Variants in MED1 observed in about 807,000 individuals in gnomAD.
MED1 encodes mediator of RNA polymerase II transcription subunit 1.
MED1 carries 17 observed loss-of-function variants against 121.3 expected under a neutral mutation model. The observed-to-expected ratio is 0.14, with a 90% CI of 0.10 to 0.21. The LOEUF is 0.21. Among genes scored for constraint, MED1 ranks in the 10% least tolerant of loss-of-function variants. The pLI is 1.00. For missense variants in MED1, 1,558 were observed against 1,919.4 expected (o/e 0.81, Z 3.52); for synonymous variants, 661 against 694.4 (o/e 0.95, Z 0.76).
intron 10 of MED1, among the ~76,000 whole-genome samples, chr17:39,426,869 A>C (rs1454341855): frequency 6.6e-6 from 1 of 151,756 alleles, no homozygotes; most frequent in African/African-American, 2.4e-5. Context: ...TATCAAGGGC[A>C]AACAGAAAAT....
rs1168507091 is a variant in MED1, at chr17:39,409,509, A to G, written c.2712T>C (p.Asn904=). ...DFKGFASQAL[N]TLGVPMLGGD... ...CTCCAAGCATTGGCACCCCCAAAGT[A>G]TTTAGTGCCTGAGATGCAAATCCTT... Residue 904 remains asparagine (N), a synonymous_variant, in exon 17 of 17, where the codon AAT becomes AAC. Coordinates refer to ENST00000300651, the MANE Select transcript of MED1 (RefSeq NM_004774.4). 5 of 1,614,138 alleles carry G rather than the reference A, an allele frequency of 3.1e-6. No homozygotes were observed. Among genetic ancestry groups the G allele is most frequent in the Non-Finnish European group, 4.2e-6 (5 of 1,180,024 alleles).
intron 8 of MED1, 112 bp downstream of exon 8, chr17:39,431,829 AG>A (rs2048567493): frequency 1.2e-5 from 8 of 654,274 alleles, no homozygotes; most frequent in Non-Finnish European, 2.1e-5. Flanking sequence ...TCATTTTGGA[AG>A]AGAAAGGACA....
intron 9 of MED1, among the ~76,000 whole-genome samples, 182 bp from the exon 10 acceptor site, chr17:39,427,972 T>A (rs2048530489): frequency 6.6e-6 from 1 of 152,096 alleles, no homozygotes; most frequent in Non-Finnish European, 1.5e-5. Context: ...ATCCTGGCTC[T>A]CTGGGAGGCT....
chr17:39,450,964 C>G (rs1237154503), intron 1 of MED1, 74 bp downstream of exon 1: 1 of 1,438,616 alleles, frequency 7.0e-7, no homozygotes. Flanking sequence ...CATGGGACAT[C>G]TGCAAGAACC....
Position 39,451,125 on chromosome 17 carries a change from A to G in MED1, c.-63T>C. ...ATAAGCCCTTCCCCACCACTAACGG[A>G]GGAAACAAGTTGGCTCGGGATCCCG... On this transcript the variant is annotated 5_prime_UTR_variant, in exon 1 of 17. Transcript: ENST00000300651. 1 of 1,590,806 alleles carries G rather than the reference A, an allele frequency of 6.3e-7. No homozygotes were observed. The highest frequency in any genetic ancestry group is 2.3e-5 in the East Asian group (1 of 43,092).
intron 10 of MED1, among the ~76,000 whole-genome samples, chr17:39,425,574 C>G (rs1319804906): frequency 6.6e-6 from 1 of 152,036 alleles, no homozygotes; most frequent in African/African-American, 2.4e-5. Flanking sequence ...GAGGCTGAGG[C>G]GGGTGGATCA....
intron 12 of MED1, 37 bp from the exon 13 acceptor site, chr17:39,423,482 G>C (rs2048486567): frequency 6.5e-7 from 1 of 1,538,518 alleles, no homozygotes; most frequent in Non-Finnish European, 9.0e-7. Flanking sequence ...ATCATGTTAA[G>C]ATGAAAACAC....
At position 39,404,478 on chromosome 17, in the gene MED1, C is replaced by G. The variant is rs936411472; in HGVS notation, c.*2997G>C. On this transcript the variant is annotated 3_prime_UTR_variant, in exon 17 of 17. Transcript: ENST00000300651. The stretch of plus-strand genomic sequence containing the variant: ...TAAAAAAAGACCCTCCCCAGCTGCT[C>G]CTGATGTACATTTTTAAACTCAAAA... The G allele has an allele frequency of 2.0e-5, 3 of 152,212 alleles. No individual in the cohort carries two copies. Among genetic ancestry groups the G allele is most frequent in the African/African-American group, 7.2e-5 (3 of 41,390 alleles). The allele number at this position is 152,212 out of a possible 1,614,324, so 9.4% of individuals were successfully genotyped here.
At chr17:39,425,568 C>G (rs1386432375) in intron 10 of MED1, among the ~76,000 whole-genome samples, 1 of 152,108 alleles carries the variant, frequency 6.6e-6, no homozygotes, top group Non-Finnish European at 1.5e-5. Context: ...CTTTGGGAGG[C>G]TGAGGCGGGT....
chr17:39,430,981 T>C (rs1183123223), intron 9 of MED1, 134 bp downstream of exon 9: 6 of 745,260 alleles, frequency 8.1e-6, no homozygotes, highest in Non-Finnish European at 1.3e-5. Flanking sequence ...ATCATGCCAC[T>C]GCACTCCAGC....
chr17:39,414,685 CA>C (rs2048390771), intron 16 of MED1, among the ~76,000 whole-genome samples: 1 of 67,038 alleles, frequency 1.5e-5, no homozygotes, highest in Non-Finnish European at 2.8e-5. Context: ...ACAACAAAAA[CA>C]AAAACACGGA....
At chr17:39,422,299 G>T (rs575864034) in intron 13 of MED1, among the ~76,000 whole-genome samples, 1 of 150,348 alleles carries the variant, frequency 6.7e-6, no homozygotes, top group Non-Finnish European at 1.5e-5. Flanking sequence ...GAGTAGCTGG[G>T]ACTACAGGTG....
At chr17:39,448,572 T>G (rs9897454) in intron 1 of MED1, among the ~76,000 whole-genome samples, 1 of 148,690 alleles carries the variant, frequency 6.7e-6, no homozygotes, top group African/African-American at 2.5e-5. Flanking sequence ...AAAAAGTTAT[T>G]GAACTGGGCT....
rs374816690 is a variant in MED1, at chr17:39,431,081, CAT to C, written c.649+32_649+33del. 5.2e-4 allele frequency: 797 copies of C among 1,532,940 alleles called. 1 individual carries two copies. Among genetic ancestry groups the C allele is most frequent in the Admixed American group, 1.3e-3 (72 of 57,572 alleles). The allele number at this position is 1,532,940 out of a possible 1,614,324, so 95.0% of individuals were successfully genotyped here. On this transcript the variant is annotated intron_variant, in intron 9 of 16. Transcript: ENST00000300651. ...GTAATGACCCTCAACTTAAATTACA[CAT>C]GTTTCTAAACAAGCAAAATAGGATC...
In MED1 at chr17:39,424,631, T is replaced by C; in HGVS notation, c.847A>G (p.Lys283Glu). ...LIMGSHPVDN[K>E]WTPSFSSITS... ...CTAAAATTATATTTAACTTACCATT[T>C]ATTGTCAACTGGATGTGACCCCATA... Residue 283 changes from lysine (K) to glutamate (E), a missense_variant, in exon 11 of 17, where the codon AAA becomes GAA. Around this residue, in one of 5 missense-constraint regions of MED1, gnomAD observed 443 missense variants for 532.4 expected, o/e 0.83. Transcript: ENST00000300651. The C allele has an allele frequency of 6.4e-7, 1 of 1,570,740 alleles. No individual in the cohort carries two copies. The highest frequency in any genetic ancestry group is 1.2e-5 in the South Asian group (1 of 86,756).
chr17:39,414,234 A>C lies in MED1; in HGVS notation c.1499+792T>G, dbSNP rs923564392. ...GCAAGACTCCATCTCAAAAAAAAAA[A>C]ACAAAGCTTAGATTACTTTGAATCC... On this transcript the variant is annotated intron_variant, in intron 16 of 16. Coordinates refer to ENST00000300651, the MANE Select transcript of MED1 (RefSeq NM_004774.4). 1.1e-4 allele frequency among the ~76,000 whole-genome samples: 16 copies of C among 152,094 alleles called. No homozygotes were observed. In the East Asian group the frequency reaches 2.7e-3, roughly 26 times the overall value.
intron 16 of MED1, among the ~76,000 whole-genome samples, chr17:39,414,029 C>A (rs2048382188): frequency 1.3e-5 from 2 of 150,914 alleles, no homozygotes; most frequent in African/African-American, 4.9e-5. Flanking sequence ...GAGTTCGAGA[C>A]CAGCCTGGCC....
At chr17:39,432,204 G>A (rs112806588) in intron 7 of MED1, among the ~76,000 whole-genome samples, 188 bp from the exon 8 acceptor site, 183 of 151,754 alleles carry the variant, frequency 1.2e-3, no homozygotes, top group African/African-American at 4.1e-3. Flanking sequence ...TTAGCCGAGC[G>A]TGGTGGCAGG....
chr17:39,408,244 T>C lies in MED1; in HGVS notation c.3977A>G (p.Asp1326Gly). 1 of 1,614,116 alleles carries C rather than the reference T, an allele frequency of 6.2e-7. No homozygotes were observed. The highest frequency in any genetic ancestry group is 8.5e-7 in the Non-Finnish European group (1 of 1,180,032). ...TSGPGGEDPL[D>G]GQMGVSTNSS... ...ATTTGTGCTCACCCCCATCTGGCCG[T>C]CCAGTGGGTCTTCACCCCCAGGGCC... The change falls in exon 17 of 17, where the codon GAC (aspartate) becomes GGC (glycine). Residue 1326 changes from aspartate to glycine, a missense_variant. Physicochemically the swap from Asp to Gly is moderately conservative, Grantham distance 94 (BLOSUM62 -1). This residue lies in a region of MED1 where 264 missense variants were observed against 326.1 expected (regional missense o/e 0.81). Coordinates refer to ENST00000300651, the MANE Select transcript of MED1 (RefSeq NM_004774.4). This position sits in a 1 kb window ranked among gnomAD's most constrained non-coding sequence, Gnocchi z 4.7.
Sources: allele counts gnomAD v4.1 joint callset (sites outside exome capture counted in the v4.1 genomes callset), GRCh38; gene constraint gnomAD v4.1.1; regional missense constraint gnomAD v4.1.1; non-coding constraint Gnocchi (gnomAD v3.1); transcripts MANE v1.5; gene names NCBI Gene and HGNC (gene_info 2026-07-23, HGNC 2026-07-21).